GGNBP2: variants seen among roughly 807,000 people sequenced by gnomAD.
GGNBP2 encodes gametogenetin-binding protein 2.
GGNBP2 carries 10 observed loss-of-function variants against 85.9 expected under a neutral mutation model. The ratio of observed to expected loss-of-function variants is 0.12; its 90% confidence interval spans 0.07 to 0.20. The LOEUF is 0.20. GGNBP2 is among the 10% of genes least tolerant of loss of function. The pLI, the probability that GGNBP2 is intolerant of heterozygous loss-of-function variation, is 1.00. For synonymous variants in GGNBP2, 287 were observed against 285.7 expected, an observed-to-expected ratio of 1.00 and a Z score of -0.05; for missense variants, 595 against 857.8, an observed-to-expected ratio of 0.69 and a Z score of 3.83.
At chr17:36,552,642 G>A (rs1335322749) in intron 2 of GGNBP2, among the ~76,000 whole-genome samples, 1 of 152,190 alleles carries the variant, frequency 6.6e-6, no homozygotes, top group African/African-American at 2.4e-5. Flanking sequence ...CAAGATGTCA[G>A]GGTTGATAAA....
At position 36,546,213 on chromosome 17, in the gene GGNBP2, A is replaced by G. The variant is rs201800013; in HGVS notation, c.93+396A>G. 24 of 373,258 alleles carry G rather than the reference A, an allele frequency of 6.4e-5. No homozygotes were observed. In the East Asian group the frequency reaches 9.4e-4, roughly 15 times the overall value. The allele number at this position is 373,258 out of a possible 1,614,324, so 23.1% of individuals were successfully genotyped here. A position where few individuals can be genotyped will look rare whatever the true frequency, so the allele number is the denominator to read the frequency against. On this transcript the variant is annotated intron_variant, in intron 2 of 13. Coordinates refer to ENST00000613102, the MANE Select transcript of GGNBP2 (RefSeq NM_024835.5). ...AATTACCTGGTAATGTCGCAGCTGCACTGCTACCTGTGTATTTTCTGTTTT... is the reference window on the plus strand; with the variant it reads ...AATTACCTGGTAATGTCGCAGCTGCGCTGCTACCTGTGTATTTTCTGTTTT...
chr17:36,554,796 T>C, intron 2 of GGNBP2, 24 bp from the exon 3 acceptor site: 1 of 1,450,064 alleles, frequency 6.9e-7, no homozygotes. Context: ...AAGTAATTGA[T>C]TTCCGTTCTG....
intron 6 of GGNBP2, among the ~76,000 whole-genome samples, chr17:36,571,645 T>G (rs1555606846): frequency 1.3e-5 from 2 of 151,208 alleles, no homozygotes; most frequent in Non-Finnish European, 1.5e-5. Flanking sequence ...ATTGAGACTA[T>G]CCTGGCTAAC....
At position 36,557,067 on chromosome 17, in the gene GGNBP2, T is replaced by C; in HGVS notation, c.175-16T>C. The stretch of plus-strand genomic sequence containing the variant: ...CTTTTTAAAGGACACTCTTTCATTT[T>C]CTTTCCCTCTTTCAGCGACATGGTA... On this transcript the variant is annotated splice_polypyrimidine_tract_variant and intron_variant, in intron 3 of 13. Coordinates refer to ENST00000613102, the MANE Select transcript of GGNBP2 (RefSeq NM_024835.5). The C allele has an allele frequency of 6.2e-7, 1 of 1,613,598 alleles. No individual in the cohort carries two copies. The highest frequency in any genetic ancestry group is 8.5e-7 in the Non-Finnish European group (1 of 1,179,608).
chr17:36,571,938 A>G (rs982791135), intron 6 of GGNBP2, among the ~76,000 whole-genome samples: 1 of 151,956 alleles, frequency 6.6e-6, no homozygotes, highest in African/African-American at 2.4e-5. Flanking sequence ...AGTTTCATCT[A>G]CTCGGGAGGC....
At chr17:36,580,005 C>G (rs765620952) in intron 8 of GGNBP2, among the ~76,000 whole-genome samples, 1 of 151,516 alleles carries the variant, frequency 6.6e-6, no homozygotes, top group Non-Finnish European at 1.5e-5. Flanking sequence ...AACAAAACTC[C>G]GTCTCAAAAC....
At chr17:36,586,798 T>A in intron 12 of GGNBP2, 199 bp from the exon 13 acceptor site, 1 of 517,898 alleles carries the variant, frequency 1.9e-6, no homozygotes, top group Non-Finnish European at 3.4e-6. Flanking sequence ...TTTGCATTTT[T>A]AGTAGAGATG....
chr17:36,572,340 G>A (rs1268196184), intron 6 of GGNBP2, among the ~76,000 whole-genome samples: 1 of 152,186 alleles, frequency 6.6e-6, no homozygotes, highest in Middle Eastern at 3.4e-3. Flanking sequence ...TTCTGTGTCC[G>A]TTTTTTCTCT....
chr17:36,566,845 G>A (rs949775301), intron 5 of GGNBP2, among the ~76,000 whole-genome samples: 4 of 151,692 alleles, frequency 2.6e-5, no homozygotes, highest in African/African-American at 9.7e-5. Context: ...TGTTACCATG[G>A]TTTAGCTTTA....
At chr17:36,574,707 T>C in intron 6 of GGNBP2, 1 of 632,534 alleles carries the variant, frequency 1.6e-6, no homozygotes, top group Non-Finnish European at 2.8e-6. Flanking sequence ...ATAAGCAGCT[T>C]CTTGGGTACA....
At position 36,567,451 on chromosome 17, in the gene GGNBP2, GAGC is replaced by G. The variant is rs544745315; in HGVS notation, c.528-209_528-207del. Among the ~76,000 whole-genome samples the G allele has an allele frequency of 5.9e-4, 90 of 152,220 alleles. 2 individuals are homozygous for G. In the South Asian group the frequency reaches 0.018, roughly 31 times the overall value. The stretch of plus-strand genomic sequence containing the variant: ...GCTTTGTACTATACTACGGTGAAGG[GAGC>G]AGTAGCAGTGTCAGTTCAGAGAAGT... On this transcript the variant is annotated intron_variant, in intron 5 of 13. Coordinates refer to ENST00000613102, the MANE Select transcript of GGNBP2 (RefSeq NM_024835.5).
At chr17:36,555,251 A>G (rs1163941801) in intron 3 of GGNBP2, among the ~76,000 whole-genome samples, 1 of 152,216 alleles carries the variant, frequency 6.6e-6, no homozygotes, top group Non-Finnish European at 1.5e-5. Context: ...GTAATCCTAT[A>G]TTATGAATTT....
rs747720914 is a variant in GGNBP2, at chr17:36,560,758, T to G, written c.429-15T>G. 3.0e-6 allele frequency: 4 copies of G among 1,347,872 alleles called. No homozygotes were observed. The South Asian group carries it at 5.1e-5, about 17-fold the overall frequency. 83.5% of individuals were successfully genotyped at this position (1,347,872 alleles called of 1,614,324 possible). ...AAAATGAATTAAACCCTTAATATGT[T>G]TTATTTTTAATTAGGTCCAAACTAA... On this transcript the variant is annotated splice_polypyrimidine_tract_variant and intron_variant, in intron 4 of 13. Transcript: ENST00000613102.
chr17:36,546,861 A>AT, intron 2 of GGNBP2: 3 of 152,120 alleles, frequency 2.0e-5, no homozygotes, highest in African/African-American at 7.2e-5. Flanking sequence ...ATATCTACCG[A>AT]AGTTTTTTCA....
At position 36,589,414 on chromosome 17, in the gene GGNBP2, A is replaced by G. The variant is rs761116935; in HGVS notation, c.*3A>G. ...TGACAACGGCTGGAGCAAATTAAAT[A>G]AATAAAATAGCTCTGTCTTTCAATG... On this transcript the variant is annotated 3_prime_UTR_variant, in exon 14 of 14. Transcript: ENST00000613102. The G allele has an allele frequency of 1.2e-6, 2 of 1,603,198 alleles. No individual in the cohort carries two copies. Among genetic ancestry groups the G allele is most frequent in the South Asian group, 2.2e-5 (2 of 90,764 alleles).
At chr17:36,574,884 C>T (rs1049257103) in intron 6 of GGNBP2, 9 of 746,854 alleles carry the variant, frequency 1.2e-5, no homozygotes, top group Admixed American at 8.0e-5. Flanking sequence ...ATGATGGCCC[C>T]GTGGATGGCA....
intron 5 of GGNBP2, among the ~76,000 whole-genome samples, chr17:36,562,672 A>G (rs917739842): frequency 1.3e-5 from 2 of 151,984 alleles, no homozygotes; most frequent in East Asian, 1.9e-4. Flanking sequence ...AAAAATATTT[A>G]AAACATTTTA....
intron 13 of GGNBP2, among the ~76,000 whole-genome samples, chr17:36,588,870 C>CTG (rs1481035762): frequency 2.0e-5 from 3 of 152,168 alleles, no homozygotes; most frequent in Non-Finnish European, 4.4e-5. Flanking sequence ...ATAGGACTAA[C>CTG]TGGAGATACG....
At chr17:36,580,503 C>T (rs1360968663) in intron 8 of GGNBP2, among the ~76,000 whole-genome samples, 2 of 151,678 alleles carry the variant, frequency 1.3e-5, no homozygotes, top group East Asian at 2.0e-4. Context: ...TGAGCCACGG[C>T]GCCCAGCCCT....
Sources: allele counts gnomAD v4.1 joint callset (sites outside exome capture counted in the v4.1 genomes callset), GRCh38; gene constraint gnomAD v4.1.1; transcripts MANE v1.5; gene names NCBI Gene and HGNC (gene_info 2026-07-23, HGNC 2026-07-21).